The following ROBO2 variants were observed in gnomAD, a reference collection of about 807,000 sequenced individuals.
ROBO2 encodes roundabout guidance receptor 2.
Under a neutral mutation model 160.8 loss-of-function variants are expected in ROBO2, and 53 were observed. The ratio of observed to expected loss-of-function variants is 0.33; its 90% CI spans 0.26 to 0.41. The LOEUF (loss-of-function observed/expected upper bound fraction) is 0.41. Ranked by LOEUF, ROBO2 falls within the 10% of genes least tolerant of loss-of-function variation. The pLI is 1.00. For synonymous variants in ROBO2, 664 were observed against 611.7 expected (o/e 1.09, Z -1.26); for missense variants, 1,577 against 1,722.4 (o/e 0.92, Z 1.49).
At chr3:76,959,762 T>A (rs2079519622) in intron 2 of ROBO2, among the ~76,000 whole-genome samples, 1 of 152,148 alleles carries the variant, frequency 6.6e-6, no homozygotes, top group Admixed American at 6.5e-5. Context: ...TTGCCCTCTG[T>A]TTCTTCAAAC....
chr3:76,580,317 GTTTTTTTTTTGTTTTT>G (rs1402253278), intron 2 of ROBO2, among the ~76,000 whole-genome samples: 7 of 38,848 alleles, frequency 1.8e-4, no homozygotes, highest in African/African-American at 4.9e-4. Context: ...CCCAACCCCT[GTTTTTTTTTTGTTTTT>G]TTTTTTGTGT....
chr3:77,128,979 A>G (rs2075599320), intron 2 of ROBO2, among the ~76,000 whole-genome samples: 1 of 152,118 alleles, frequency 6.6e-6, no homozygotes, highest in Non-Finnish European at 1.5e-5. Flanking sequence ...TAATAATTTT[A>G]CTTTTTATTT....
intron 2 of ROBO2, among the ~76,000 whole-genome samples, chr3:77,145,261 A>G (rs1290832835): frequency 6.6e-6 from 1 of 152,192 alleles, no homozygotes; most frequent in Non-Finnish European, 1.5e-5. Flanking sequence ...TGAGCCTTAA[A>G]AAAGTATTAA....
intron 2 of ROBO2, among the ~76,000 whole-genome samples, chr3:76,606,170 T>C (rs1230545598): frequency 6.6e-6 from 1 of 152,188 alleles, no homozygotes; most frequent in Non-Finnish European, 1.5e-5. Context: ...TCATTTTTCC[T>C]CTGGCTTAGC....
At chr3:77,158,470 T>G (rs2078207169) in intron 2 of ROBO2, among the ~76,000 whole-genome samples, 1 of 152,126 alleles carries the variant, frequency 6.6e-6, no homozygotes, top group South Asian at 2.1e-4. Context: ...AGGAGACAGT[T>G]GAATTCTTTG....
At chr3:76,309,270 G>A (rs904334171) in intron 2 of ROBO2, among the ~76,000 whole-genome samples, 10 of 152,156 alleles carry the variant, frequency 6.6e-5, no homozygotes, top group Non-Finnish European at 1.3e-4. Context: ...CAAATTCTGA[G>A]TTAAATATAG....
chr3:76,560,765 A>G (rs979164873), intron 2 of ROBO2, among the ~76,000 whole-genome samples: 1 of 150,796 alleles, frequency 6.6e-6, no homozygotes, highest in Non-Finnish European at 1.5e-5. Flanking sequence ...CAATCAGCTT[A>G]TTAACATTTT....
chr3:77,495,767 C>T (rs1560996445), intron 5 of ROBO2, among the ~76,000 whole-genome samples: 3 of 152,248 alleles, frequency 2.0e-5, no homozygotes, highest in East Asian at 1.9e-4. Flanking sequence ...CAGCACTGGC[C>T]ACCCTGTTAA....
intron 2 of ROBO2, among the ~76,000 whole-genome samples, chr3:76,713,029 C>T (rs1226493479): frequency 6.6e-6 from 1 of 152,138 alleles, no homozygotes; most frequent in Non-Finnish European, 1.5e-5. Flanking sequence ...ATAAACTGTG[C>T]CATAAAGGCA....
At chr3:76,206,689 T>G (rs1020222536) in intron 2 of ROBO2, among the ~76,000 whole-genome samples, 1 of 152,198 alleles carries the variant, frequency 6.6e-6, no homozygotes, top group African/African-American at 2.4e-5. Context: ...GAGCTTTACT[T>G]TCATTGGGCA....
At chr3:76,216,708 A>G (rs893027186) in intron 2 of ROBO2, among the ~76,000 whole-genome samples, 1 of 152,108 alleles carries the variant, frequency 6.6e-6, no homozygotes, top group African/African-American at 2.4e-5. Context: ...CACAATAATA[A>G]TGGGAGACTT....
chr3:76,665,946 T>A (rs1316392531), intron 2 of ROBO2, among the ~76,000 whole-genome samples: 1 of 121,740 alleles, frequency 8.2e-6, no homozygotes, highest in Non-Finnish European at 1.8e-5. Flanking sequence ...TATAATATAT[T>A]ATATATAATA....
chr3:77,126,777 AACTT>A lies in ROBO2; in HGVS notation c.388+28438_388+28441del, dbSNP rs1192014201. Among the ~76,000 whole-genome samples, 439 of 140,196 alleles carry A rather than the reference AACTT, an allele frequency of 3.1e-3. 8 individuals are homozygous for A. Among genetic ancestry groups the A allele is most frequent in the African/African-American group, 0.011 (410 of 36,028 alleles). 92.0% of individuals were successfully genotyped at this position (140,196 alleles called of 152,430 possible). ...ATATTTCATGTATATTTGATTTTGA[AACTT>A]CTTTTTTTTTTTTTTTTTTTTTTTT... On this transcript the variant is annotated intron_variant, in intron 2 of 25. Coordinates refer to ENST00000461745, the Ensembl canonical transcript of ROBO2.
intron 2 of ROBO2, among the ~76,000 whole-genome samples, chr3:77,377,960 C>G (rs1040688961): frequency 2.0e-5 from 3 of 152,148 alleles, no homozygotes; most frequent in Non-Finnish European, 4.4e-5. Context: ...TTTATTTTCT[C>G]TGTTCTGACT....
chr3:77,527,042 G>A (rs2091232316), intron 6 of ROBO2, among the ~76,000 whole-genome samples: 2 of 151,388 alleles, frequency 1.3e-5, no homozygotes, highest in South Asian at 4.1e-4. Context: ...CATGACATTT[G>A]CTAGTCTGTG....
chr3:76,257,605 G>A (rs1037195228), intron 2 of ROBO2, among the ~76,000 whole-genome samples: 2 of 151,222 alleles, frequency 1.3e-5, no homozygotes, highest in Non-Finnish European at 2.9e-5. Context: ...ATTTCATAGT[G>A]CACAATTCCT....
chr3:76,732,993 G>GT (rs1386022788), intron 2 of ROBO2, among the ~76,000 whole-genome samples: 1 of 135,288 alleles, frequency 7.4e-6, no homozygotes, highest in Non-Finnish European at 1.6e-5. Flanking sequence ...TTGACTGGGG[G>GT]TGGGGGGGGG....
intron 2 of ROBO2, among the ~76,000 whole-genome samples, chr3:77,450,783 G>A (rs1377029009): frequency 6.6e-6 from 1 of 152,020 alleles, no homozygotes; most frequent in Admixed American, 6.6e-5. Context: ...GATAGTGGAA[G>A]GAAAATGTCT....
At chr3:77,148,679 A>G (rs1360899123) in intron 2 of ROBO2, among the ~76,000 whole-genome samples, 2 of 152,218 alleles carry the variant, frequency 1.3e-5, no homozygotes, top group African/African-American at 4.8e-5. Flanking sequence ...AATAATTCAT[A>G]TCAGATGAGG....
Sources: gnomAD v4.1 joint callset for allele counts (sites outside exome capture counted in the v4.1 genomes callset) on GRCh38, gnomAD v4.1.1 for gene constraint, MANE v1.5 for transcripts, NCBI Gene and HGNC (gene_info 2026-07-23, HGNC 2026-07-21) for gene names.